MAML3: variants seen among roughly 807,000 people sequenced by gnomAD.
MAML3 encodes the protein mastermind like transcriptional coactivator 3.
Under a neutral mutation model 101.9 loss-of-function variants are expected in MAML3, and 27 were observed. The ratio of observed to expected loss-of-function variants is 0.27; its 90% CI spans 0.20 to 0.37. The LOEUF (loss-of-function observed/expected upper bound fraction) is 0.37, where lower values mean the gene tolerates loss of function less well. Ranked by LOEUF, MAML3 falls within the 10% of genes least tolerant of loss-of-function variation. The pLI, the probability that MAML3 is intolerant of heterozygous loss-of-function variation, is 1.00. For synonymous variants in MAML3, 501 were observed against 555.9 expected (o/e 0.90, Z 1.39); for missense variants, 1,316 against 1,444.9 (o/e 0.91, Z 1.45).
At chr4:140,059,910 C>A (rs996235455) in intron 1 of MAML3, among the ~76,000 whole-genome samples, 5 of 152,102 alleles carry the variant, frequency 3.3e-5, no homozygotes, top group African/African-American at 1.2e-4. Context: ...TTTTCTCCAA[C>A]AAAATAATTA....
intron 2 of MAML3, among the ~76,000 whole-genome samples, chr4:139,807,615 A>C (rs558911799): frequency 6.6e-6 from 1 of 152,336 alleles, no homozygotes; most frequent in East Asian, 1.9e-4. Flanking sequence ...ACCCTAAAAC[A>C]GTCCGTGCCT....
intron 1 of MAML3, among the ~76,000 whole-genome samples, chr4:139,970,935 T>C (rs752975665): frequency 1.4e-4 from 22 of 152,328 alleles, no homozygotes; most frequent in Non-Finnish European, 2.9e-4. Context: ...CAGAGAAAGA[T>C]ATGGAATCGC....
At chr4:139,771,968 G>T (rs145647560) in intron 2 of MAML3, among the ~76,000 whole-genome samples, 9 of 150,544 alleles carry the variant, frequency 6.0e-5, no homozygotes, top group Non-Finnish European at 8.9e-5. Context: ...GTCCGGGCGC[G>T]GTGGCTCACG....
intron 1 of MAML3, among the ~76,000 whole-genome samples, chr4:139,979,166 A>G (rs1229761960): frequency 1.3e-5 from 2 of 152,210 alleles, no homozygotes; most frequent in African/African-American, 4.8e-5. Flanking sequence ...CTCCCATTGT[A>G]AAGGTGAGAG....
At chr4:139,878,595 C>T (rs4863519) in intron 2 of MAML3, among the ~76,000 whole-genome samples, 56,877 of 151,976 alleles carry the variant, frequency 0.37, 11,129 homozygotes, top group Non-Finnish European at 0.43. Context: ...CCTGTGAGTG[C>T]ACTGGGTAGG....
At chr4:140,070,657 T>A (rs1727633030) in intron 1 of MAML3, among the ~76,000 whole-genome samples, 1 of 152,194 alleles carries the variant, frequency 6.6e-6, no homozygotes, top group African/African-American at 2.4e-5. Context: ...AAATGGCACC[T>A]ATGTGACAAT....
chr4:139,790,857 C>CTT (rs1181556452), intron 2 of MAML3, among the ~76,000 whole-genome samples: 1 of 152,146 alleles, frequency 6.6e-6, no homozygotes, highest in Non-Finnish European at 1.5e-5. Context: ...ACCTGAGTAA[C>CTT]TTTATATTAA....
At chr4:139,945,589 G>T (rs1224513800) in intron 1 of MAML3, among the ~76,000 whole-genome samples, 2 of 152,282 alleles carry the variant, frequency 1.3e-5, no homozygotes, top group South Asian at 2.1e-4. Context: ...TTAATTGCAT[G>T]AAAATATTCA....
At chr4:140,065,041 G>T (rs1405290618) in intron 1 of MAML3, among the ~76,000 whole-genome samples, 3 of 152,176 alleles carry the variant, frequency 2.0e-5, no homozygotes, top group Non-Finnish European at 2.9e-5. Context: ...CCACCAGTCA[G>T]TCTGGATTGA....
Position 139,719,181 on chromosome 4 carries a change from A to T in MAML3, c.*142T>A. 1 of 928,024 alleles carries T rather than the reference A, an allele frequency of 1.1e-6. No homozygotes were observed. The highest frequency in any genetic ancestry group is 1.6e-6 in the Non-Finnish European group (1 of 641,318). 57.5% of individuals were successfully genotyped at this position (928,024 alleles called of 1,614,324 possible). ...GGTGGGGCTGTGGATTGGCACCTGG[A>T]TCTTCCATTGTCAGCCAGCTGCAGT... On this transcript the variant is annotated 3_prime_UTR_variant, in exon 5 of 5. Transcript: ENST00000509479.
At chr4:140,054,963 T>A in intron 1 of MAML3, among the ~76,000 whole-genome samples, 1 of 152,228 alleles carries the variant, frequency 6.6e-6, no homozygotes, top group South Asian at 2.1e-4. Context: ...TCTTAACTTT[T>A]AGAACTGTCC....
intron 2 of MAML3, among the ~76,000 whole-genome samples, chr4:139,741,948 A>G (rs996593800): frequency 9.9e-5 from 15 of 152,192 alleles, no homozygotes; most frequent in African/African-American, 2.4e-4. Flanking sequence ...AAAAATAGAA[A>G]TGGCTCAGGT....
At chr4:139,825,757 A>T (rs1731049904) in intron 2 of MAML3, among the ~76,000 whole-genome samples, 2 of 129,444 alleles carry the variant, frequency 1.5e-5, no homozygotes, top group Non-Finnish European at 3.4e-5. Flanking sequence ...TTCAAGGAAG[A>T]GAAGAAGGAA....
chr4:139,898,804 G>T (rs1732661364), intron 1 of MAML3, among the ~76,000 whole-genome samples: 1 of 152,194 alleles, frequency 6.6e-6, no homozygotes, highest in African/African-American at 2.4e-5. Context: ...ACCTGCTTAT[G>T]TAATGAATGA....
At chr4:139,852,708 C>A (rs565305028) in intron 2 of MAML3, among the ~76,000 whole-genome samples, 1 of 152,132 alleles carries the variant, frequency 6.6e-6, no homozygotes, top group African/African-American at 2.4e-5. Context: ...CACCACCGTG[C>A]CTGGCCTGGA....
intron 1 of MAML3, among the ~76,000 whole-genome samples, chr4:140,077,734 G>C (rs1418224684): frequency 6.6e-6 from 1 of 151,996 alleles, no homozygotes; most frequent in South Asian, 2.1e-4. Context: ...AAAATAAAGA[G>C]AGGGGCCGGG....
chr4:140,044,631 T>C (rs919418294), intron 1 of MAML3, among the ~76,000 whole-genome samples: 2 of 152,204 alleles, frequency 1.3e-5, no homozygotes, highest in African/African-American at 4.8e-5. Context: ...GCTTAGTGGA[T>C]TTGCAGCAGC....
chr4:139,824,949 G>A (rs1443142315), intron 2 of MAML3, among the ~76,000 whole-genome samples: 2 of 152,106 alleles, frequency 1.3e-5, no homozygotes, highest in East Asian at 1.9e-4. Flanking sequence ...TTTCCAGAGG[G>A]ACCATGCAGT....
intron 2 of MAML3, among the ~76,000 whole-genome samples, chr4:139,832,329 C>G (rs1731182839): frequency 6.7e-6 from 1 of 150,156 alleles, no homozygotes; most frequent in Non-Finnish European, 1.5e-5. Context: ...CTAGGCTGGT[C>G]TTGAAGTCCT....
Sources: allele counts gnomAD v4.1 joint callset (sites outside exome capture counted in the v4.1 genomes callset), GRCh38; gene constraint gnomAD v4.1.1; transcripts MANE v1.5; gene names NCBI Gene and HGNC (gene_info 2026-07-23, HGNC 2026-07-21).